FHIT: variants seen among roughly 807,000 people sequenced by gnomAD.
FHIT encodes the protein fragile histidine triad diadenosine triphosphatase.
FHIT carries 19 observed loss-of-function variants against 17.9 expected under a neutral mutation model. The ratio of observed to expected loss-of-function variants is 1.06; its 90% CI spans 0.74 to 1.56. The LOEUF (loss-of-function observed/expected upper bound fraction) is 1.56, where lower values mean the gene tolerates loss of function less well. Ranked by LOEUF, FHIT falls within the 40% of genes most tolerant of loss-of-function variation. The pLI, the probability that FHIT is intolerant of heterozygous loss-of-function variation, is 0.00. For synonymous variants in FHIT, 81 were observed against 69.7 expected (o/e 1.16, Z -0.81); for missense variants, 248 against 189.2 (o/e 1.31, Z -1.82).
chr3:61,236,468 G>T (rs1013127415), intron 1 of FHIT, among the ~76,000 whole-genome samples: 1 of 152,034 alleles, frequency 6.6e-6, no homozygotes, highest in Non-Finnish European at 1.5e-5. Context: ...GCTCTGACTG[G>T]TTCCAAAGCC....
chr3:60,120,596 G>T (rs1457019835), intron 5 of FHIT, among the ~76,000 whole-genome samples: 1 of 152,212 alleles, frequency 6.6e-6, no homozygotes, highest in Non-Finnish European at 1.5e-5. Flanking sequence ...GGTTGAGAAT[G>T]TAAGCTTAAT....
intron 5 of FHIT, among the ~76,000 whole-genome samples, chr3:60,025,294 T>A (rs1316301833): frequency 1.3e-5 from 2 of 152,202 alleles, no homozygotes; most frequent in East Asian, 3.8e-4. Context: ...GGTGCATATG[T>A]GCACGCACAC....
At chr3:60,180,094 T>C (rs907056521) in intron 5 of FHIT, among the ~76,000 whole-genome samples, 1 of 152,152 alleles carries the variant, frequency 6.6e-6, no homozygotes, top group African/African-American at 2.4e-5. Context: ...CTGGAGAGCA[T>C]GGAGAGCAGT....
At chr3:60,638,363 C>A (rs2039641400) in intron 4 of FHIT, among the ~76,000 whole-genome samples, 2 of 152,140 alleles carry the variant, frequency 1.3e-5, no homozygotes, top group Non-Finnish European at 2.9e-5. Flanking sequence ...GCTGCAAAAC[C>A]TTTGCCTTAA....
chr3:60,664,381 G>A (rs2040333489), intron 4 of FHIT, among the ~76,000 whole-genome samples: 2 of 151,730 alleles, frequency 1.3e-5, no homozygotes, highest in Non-Finnish European at 2.9e-5. Flanking sequence ...ATTTCATTAA[G>A]AATTTCTGAG....
chr3:61,248,627 G>A (rs1039704854), intron 1 of FHIT, among the ~76,000 whole-genome samples: 1 of 152,182 alleles, frequency 6.6e-6, no homozygotes, highest in Admixed American at 6.5e-5. Flanking sequence ...AGTAATGGGA[G>A]CCAAAACCAG....
chr3:60,636,581 C>T (rs2039591135), intron 4 of FHIT, among the ~76,000 whole-genome samples: 1 of 152,196 alleles, frequency 6.6e-6, no homozygotes, highest in East Asian at 1.9e-4. Context: ...TGGCAAAATG[C>T]TGAAAATTTT....
intron 7 of FHIT, among the ~76,000 whole-genome samples, chr3:59,981,870 T>G (rs1181614077): frequency 1.3e-5 from 2 of 152,104 alleles, no homozygotes; most frequent in African/African-American, 4.8e-5. Flanking sequence ...AATTTAAAAT[T>G]GTATTTTATG....
intron 5 of FHIT, among the ~76,000 whole-genome samples, chr3:60,403,357 A>G (rs1007511128): frequency 1.3e-5 from 2 of 152,132 alleles, no homozygotes; most frequent in African/African-American, 4.8e-5. Context: ...CTTTTCTGAG[A>G]ACTATCCAGG....
At chr3:60,897,378 A>G (rs1308070605) in intron 3 of FHIT, among the ~76,000 whole-genome samples, 1 of 152,116 alleles carries the variant, frequency 6.6e-6, no homozygotes, top group Non-Finnish European at 1.5e-5. Context: ...TATATTAGCA[A>G]TATTAGCATT....
intron 5 of FHIT, among the ~76,000 whole-genome samples, chr3:60,113,730 G>A (rs922281534): frequency 6.6e-5 from 10 of 151,190 alleles, no homozygotes; most frequent in South Asian, 4.2e-4. Context: ...GGCCGGGCGC[G>A]GTGGCTCACA....
intron 5 of FHIT, among the ~76,000 whole-genome samples, chr3:60,102,017 T>A (rs1419135995): frequency 6.6e-6 from 1 of 152,234 alleles, no homozygotes; most frequent in Non-Finnish European, 1.5e-5. Flanking sequence ...AATTTTTGAA[T>A]GCACCAAGGC....
intron 7 of FHIT, among the ~76,000 whole-genome samples, chr3:60,007,765 TG>T (rs1296847557): frequency 6.6e-6 from 1 of 152,126 alleles, no homozygotes; most frequent in African/African-American, 2.4e-5. Context: ...GGTAATAAAT[TG>T]GGGAAAACTT....
intron 5 of FHIT, among the ~76,000 whole-genome samples, chr3:60,307,114 C>T (rs1370221841): frequency 2.6e-5 from 4 of 152,274 alleles, no homozygotes; most frequent in South Asian, 4.1e-4. Flanking sequence ...ATTATGGACA[C>T]AACTGGGCAG....
At chr3:60,915,024 G>C (rs1283251037) in intron 3 of FHIT, among the ~76,000 whole-genome samples, 3 of 152,144 alleles carry the variant, frequency 2.0e-5, no homozygotes, top group Non-Finnish European at 4.4e-5. Flanking sequence ...ACACTACATA[G>C]TTCATACACC....
chr3:59,850,788 G>C (rs1221600419), intron 8 of FHIT, among the ~76,000 whole-genome samples: 2 of 152,186 alleles, frequency 1.3e-5, no homozygotes, highest in African/African-American at 4.8e-5. Flanking sequence ...ACAAAAGCAA[G>C]AGTCTTTCTG....
At chr3:61,028,493 G>A (rs572486308) in intron 3 of FHIT, among the ~76,000 whole-genome samples, 4 of 152,204 alleles carry the variant, frequency 2.6e-5, no homozygotes, top group Non-Finnish European at 4.4e-5. Context: ...AAGGAGGCAG[G>A]TTCCAGGGAG....
chr3:59,898,853 T>C (rs757177294), intron 8 of FHIT, among the ~76,000 whole-genome samples: 7 of 152,312 alleles, frequency 4.6e-5, no homozygotes, highest in East Asian at 1.9e-4. Context: ...GTAGTATTTA[T>C]TGAACATGAC....
chr3:60,325,946 A>C (rs758630143), intron 5 of FHIT, among the ~76,000 whole-genome samples: 2 of 152,216 alleles, frequency 1.3e-5, no homozygotes, highest in Non-Finnish European at 2.9e-5. Flanking sequence ...GGATCTACTT[A>C]ATTTCCGCAT....
Sources: allele counts gnomAD v4.1 joint callset (sites outside exome capture counted in the v4.1 genomes callset), GRCh38; gene constraint gnomAD v4.1.1; transcripts MANE v1.5; gene names NCBI Gene and HGNC (gene_info 2026-07-23, HGNC 2026-07-21).